MBOAT2: variants seen among roughly 807,000 people sequenced by gnomAD.
MBOAT2 encodes membrane-bound glycerophospholipid O-acyltransferase 2.
In MBOAT2, 28 loss-of-function variants were observed where a neutral mutation model predicts 63.4. That is an observed-to-expected ratio of 0.44 (90% confidence interval 0.33 to 0.61). The LOEUF is 0.61. Ranked by LOEUF, MBOAT2 falls within the 20% of genes least tolerant of loss-of-function variation. MBOAT2 has a pLI of 0.03. For missense variants in MBOAT2, 470 were observed against 605.8 expected (o/e 0.78, Z 2.35); for synonymous variants, 211 against 215.6 (o/e 0.98, Z 0.19).
At chr2:8,979,322 A>G (rs1356782061) in intron 1 of MBOAT2, among the ~76,000 whole-genome samples, 2 of 152,160 alleles carry the variant, frequency 1.3e-5, no homozygotes, top group African/African-American at 4.8e-5. Flanking sequence ...TAAATGAACC[A>G]ATTTAGGCAT....
intron 1 of MBOAT2, among the ~76,000 whole-genome samples, chr2:8,998,654 C>G (rs1288686195): frequency 6.6e-6 from 1 of 151,858 alleles, no homozygotes; most frequent in Admixed American, 6.6e-5. Flanking sequence ...AGTCAATGAA[C>G]TGTCCAAAAA....
intron 4 of MBOAT2, among the ~76,000 whole-genome samples, chr2:8,903,664 G>T (rs1273717557): frequency 6.6e-6 from 1 of 152,112 alleles, no homozygotes; most frequent in Non-Finnish European, 1.5e-5. Flanking sequence ...ACTGAGTACA[G>T]CCTAGCTTTC....
At chr2:8,994,685 C>A (rs888324759) in intron 1 of MBOAT2, among the ~76,000 whole-genome samples, 1 of 152,292 alleles carries the variant, frequency 6.6e-6, no homozygotes, top group South Asian at 2.1e-4. Context: ...AGAAGAATTA[C>A]AAATACTTAG....
At chr2:8,940,734 G>C (rs1667993011) in intron 3 of MBOAT2, among the ~76,000 whole-genome samples, 1 of 152,096 alleles carries the variant, frequency 6.6e-6, no homozygotes. Context: ...GTCAATCAAA[G>C]CAAGTACAAT....
At chr2:8,877,752 G>T (rs1662800450) in intron 6 of MBOAT2, among the ~76,000 whole-genome samples, 1 of 152,212 alleles carries the variant, frequency 6.6e-6, no homozygotes, top group African/African-American at 2.4e-5. Flanking sequence ...GGTGACAGTT[G>T]AGCAGAGACC....
In MBOAT2 at chr2:8,957,895, G is replaced by C. The variant is rs145056183; in HGVS notation, c.221+602C>G. Among the ~76,000 whole-genome samples the C allele has an allele frequency of 3.7e-4, 56 of 152,256 alleles. No individual in the cohort carries two copies. The East Asian group carries it at 0.01, about 28-fold the overall frequency. On this transcript the variant is annotated intron_variant, in intron 2 of 12. Coordinates refer to ENST00000305997, the MANE Select transcript of MBOAT2 (RefSeq NM_138799.4). ...TGTTACTTCCTGTAACAAACAGGAA[G>C]TACAGTATTTCTGTATTTAAGGCTC...
chr2:8,901,774 A>C (rs758376244), intron 4 of MBOAT2, among the ~76,000 whole-genome samples: 2 of 152,182 alleles, frequency 1.3e-5, no homozygotes, highest in Non-Finnish European at 2.9e-5. Context: ...CGGGTGCCTA[A>C]AGAAGGTAAC....
Position 8,862,276 on chromosome 2 carries a change from C to G in MBOAT2, c.1185+314G>C, listed in dbSNP as rs1281006943. ...CATTTCTAAAATAAACCTACCCATT[C>G]TGATCATCTTTATTTAACTCAGTTT... On this transcript the variant is annotated intron_variant, in intron 11 of 12. Coordinates refer to ENST00000305997, the MANE Select transcript of MBOAT2 (RefSeq NM_138799.4). This position sits in a 1 kb window ranked among gnomAD's most constrained non-coding sequence, Gnocchi z 4.3. 1 of 1,307,238 alleles carries G rather than the reference C, an allele frequency of 7.6e-7. No homozygotes were observed. The highest frequency in any genetic ancestry group is 1.0e-6 in the Non-Finnish European group (1 of 1,001,894). The allele number at this position is 1,307,238 out of a possible 1,614,324, so 81.0% of individuals were successfully genotyped here. A position where few individuals can be genotyped will look rare whatever the true frequency, so the allele number is the denominator to read the frequency against.
At chr2:8,873,010 C>A in intron 8 of MBOAT2, 98 bp downstream of exon 8, 1 of 1,096,628 alleles carries the variant, frequency 9.1e-7, no homozygotes, top group Non-Finnish European at 1.3e-6. Flanking sequence ...TCCAATTGGT[C>A]TTTATGTATC....
chr2:8,875,077 C>G (rs1034137463), intron 7 of MBOAT2, among the ~76,000 whole-genome samples: 7 of 152,098 alleles, frequency 4.6e-5, no homozygotes, highest in Non-Finnish European at 1.0e-4. Flanking sequence ...AAACCCATAT[C>G]CTAACTGATG....
intron 1 of MBOAT2, among the ~76,000 whole-genome samples, chr2:8,984,594 TC>T (rs541942516): frequency 7.4e-4 from 112 of 152,032 alleles, no homozygotes; most frequent in African/African-American, 2.5e-3. Flanking sequence ...AAATCTAATT[TC>T]CCAAATCAAC....
intron 3 of MBOAT2, among the ~76,000 whole-genome samples, chr2:8,925,616 T>C (rs2148615581): frequency 6.6e-6 from 1 of 152,338 alleles, no homozygotes. Context: ...CAGAGTCTGT[T>C]ATCAGTTCTG....
chr2:8,887,336 C>CCT (rs79951126), intron 5 of MBOAT2, among the ~76,000 whole-genome samples: 13 of 150,922 alleles, frequency 8.6e-5, no homozygotes, highest in South Asian at 6.3e-4. Flanking sequence ...GAAAAATTCT[C>CCT]CTCTCTCTCT....
At chr2:8,937,441 T>C (rs969761345) in intron 3 of MBOAT2, among the ~76,000 whole-genome samples, 3 of 152,176 alleles carry the variant, frequency 2.0e-5, no homozygotes, top group African/African-American at 7.2e-5. Context: ...TTGCAGTCAA[T>C]GAGGACGAAA....
At chr2:8,917,372 TC>T (rs1001865036) in intron 3 of MBOAT2, among the ~76,000 whole-genome samples, 2 of 151,820 alleles carry the variant, frequency 1.3e-5, no homozygotes, top group African/African-American at 4.8e-5. Flanking sequence ...AGGACTTATA[TC>T]CAAAACATAG....
intron 1 of MBOAT2, among the ~76,000 whole-genome samples, chr2:8,959,549 C>A (rs193008006): frequency 6.6e-6 from 1 of 151,932 alleles, no homozygotes; most frequent in Non-Finnish European, 1.5e-5. Context: ...GCAGCCTCTA[C>A]CTCCCGGGCT....
At chr2:8,987,702 A>G (rs1460920573) in intron 1 of MBOAT2, among the ~76,000 whole-genome samples, 1 of 152,198 alleles carries the variant, frequency 6.6e-6, no homozygotes, top group Non-Finnish European at 1.5e-5. Context: ...CTGGACCTGT[A>G]GGTTCAAACA....
chr2:8,887,641 A>G (rs1056773721), intron 5 of MBOAT2, among the ~76,000 whole-genome samples: 4 of 152,234 alleles, frequency 2.6e-5, no homozygotes, highest in Non-Finnish European at 5.9e-5. Flanking sequence ...GAATGTGTGT[A>G]TATCAAGGAG....
chr2:8,868,337 A>T, intron 9 of MBOAT2, 109 bp downstream of exon 9: 1 of 845,998 alleles, frequency 1.2e-6, no homozygotes, highest in Non-Finnish European at 1.9e-6. Context: ...AATGAGTGTT[A>T]ATATTAAAAA....
Sources: allele counts gnomAD v4.1 joint callset (sites outside exome capture counted in the v4.1 genomes callset), GRCh38; gene constraint gnomAD v4.1.1; non-coding constraint Gnocchi (gnomAD v3.1); transcripts MANE v1.5; gene names NCBI Gene and HGNC (gene_info 2026-07-23, HGNC 2026-07-21).